Variants in CHM observed in about 807,000 individuals in gnomAD.
CHM encodes CHM Rab escort protein.
Under a neutral mutation model 49.0 loss-of-function variants are expected in CHM, and 10 were observed. The observed-to-expected ratio is 0.20, with a 90% CI of 0.13 to 0.35. CHM has a LOEUF of 0.35. Among genes scored for constraint, CHM ranks in the 10% least tolerant of loss-of-function variants. The pLI is 1.00. For missense variants in CHM, 455 were observed against 478.4 expected, an observed-to-expected ratio of 0.95 and a Z score of 0.46; for synonymous variants, 184 against 167.5, an observed-to-expected ratio of 1.10 and a Z score of -0.76.
At chrX:86,019,613 G>C (rs915836420) in intron 2 of CHM, 1 of 111,978 alleles carries the variant, frequency 8.9e-6, no homozygotes, top group African/African-American at 3.2e-5. Flanking sequence ...CCAGAGGCTG[G>C]TCCAAGTGCA....
At chrX:86,035,085 C>T (rs897923608) in intron 1 of CHM, among the ~76,000 whole-genome samples, 1 of 111,677 alleles carries the variant, frequency 9.0e-6, no homozygotes, top group African/African-American at 3.3e-5. Context: ...GGTAACAGAG[C>T]CAGCAGATTT....
At chrX:85,934,620 T>G (rs945920528) in intron 8 of CHM, among the ~76,000 whole-genome samples, 52 of 110,223 alleles carry the variant, frequency 4.7e-4, no homozygotes, top group African/African-American at 1.6e-3. Flanking sequence ...GAACTCATCC[T>G]TTTTTATGGC....
At chrX:85,942,299 A>C (rs28453726) in intron 8 of CHM, among the ~76,000 whole-genome samples, 24,762 of 99,642 alleles carry the variant, frequency 0.25, 2,936 homozygotes, top group African/African-American at 0.34. Flanking sequence ...CAAGTCTTTA[A>C]ATCCCAGAAG....
chrX:86,041,726 G>GTATATATATATATATA (rs3078104), intron 1 of CHM, among the ~76,000 whole-genome samples: 1 of 83,735 alleles, frequency 1.2e-5, no homozygotes, highest in African/African-American at 4.3e-5. Context: ...TGGTGTGTGT[G>GTATATATATATATATA]TATATATATA....
chrX:85,947,418 G>C (rs1929475466), intron 8 of CHM, among the ~76,000 whole-genome samples: 1 of 111,285 alleles, frequency 9.0e-6, no homozygotes, highest in African/African-American at 3.3e-5. Context: ...GTTAAAAAGT[G>C]TGTGGCACCT....
intron 2 of CHM, among the ~76,000 whole-genome samples, chrX:86,013,642 G>A (rs1933169868): frequency 9.2e-6 from 1 of 108,775 alleles, no homozygotes; most frequent in East Asian, 2.9e-4. Context: ...GGCTGAGGCA[G>A]GAGAACTGCC....
At position 85,897,297 on chromosome X, in the gene CHM, TTG is replaced by T. The variant is rs202204347; in HGVS notation, c.1414-3015_1414-3014del. Among the ~76,000 whole-genome samples the T allele has an allele frequency of 2.1e-3, 198 of 92,654 alleles. 2 individuals carry two copies. The East Asian group carries it at 0.022, about 10-fold the overall frequency. 80.5% of individuals were successfully genotyped at this position (92,654 alleles called of 115,157 possible). A position where few individuals can be genotyped will look rare whatever the true frequency, so the allele number is the denominator to read the frequency against. On this transcript the variant is annotated intron_variant, in intron 11 of 14. Transcript: ENST00000357749. ...CTAGCATATATGAAATAGAAAATGC[TTG>T]TGTGTGCGTGTGTGTGTGTGTGTGT...
At chrX:85,918,367 C>T (rs975168463) in intron 8 of CHM, among the ~76,000 whole-genome samples, 6 of 111,599 alleles carry the variant, frequency 5.4e-5, no homozygotes, top group Non-Finnish European at 9.4e-5. Flanking sequence ...TAAGGGAATT[C>T]GTTACCACCA....
intron 4 of CHM, among the ~76,000 whole-genome samples, chrX:85,968,438 TCTTTG>T (rs1223071020): frequency 1.8e-5 from 2 of 111,928 alleles, no homozygotes; most frequent in Non-Finnish European, 3.8e-5. Flanking sequence ...ACCCTTTTTC[TCTTTG>T]CTTTAAGAGC....
Position 86,027,488 on chromosome X carries a change from T to C in CHM, c.116+3A>G. ...TATTAAATGCTATCGTTGATAAACT[T>C]ACGAATCAACATGCAGAACTCTCCG... On this transcript the variant is annotated splice_donor_region_variant and intron_variant, in intron 2 of 14. Coordinates refer to ENST00000357749, the MANE Select transcript of CHM (RefSeq NM_000390.4). 1 of 1,199,339 alleles carries C rather than the reference T, an allele frequency of 8.3e-7. No homozygotes were observed. Among genetic ancestry groups the C allele is most frequent in the Middle Eastern group, 2.3e-4 (1 of 4,323 alleles).
At chrX:86,042,495 G>T (rs948311493) in intron 1 of CHM, among the ~76,000 whole-genome samples, 4 of 110,049 alleles carry the variant, frequency 3.6e-5, no homozygotes, top group African/African-American at 1.3e-4. Flanking sequence ...GGCAAGGCAA[G>T]CAAGTGTGGG....
At chrX:85,900,212 A>C (rs1328815572) in intron 11 of CHM, among the ~76,000 whole-genome samples, 1 of 111,823 alleles carries the variant, frequency 8.9e-6, no homozygotes, top group Non-Finnish European at 1.9e-5. Context: ...TACCATTTGC[A>C]ACAACATAGA....
At chrX:86,027,963 A>G (rs774874345) in intron 1 of CHM, among the ~76,000 whole-genome samples, 296 of 111,655 alleles carry the variant, frequency 2.7e-3, no homozygotes, top group African/African-American at 9.4e-3. Context: ...GGGTTTCACC[A>G]TGTTGGCCAG....
At chrX:85,943,409 AG>A (rs1457274981) in intron 8 of CHM, among the ~76,000 whole-genome samples, 1 of 112,070 alleles carries the variant, frequency 8.9e-6, no homozygotes, top group Non-Finnish European at 1.9e-5. Flanking sequence ...TTCAAGTTAT[AG>A]GGGTAAGGAG....
At chrX:85,906,030 T>C (rs960831043) in intron 9 of CHM, among the ~76,000 whole-genome samples, 1 of 111,975 alleles carries the variant, frequency 8.9e-6, no homozygotes, top group Non-Finnish European at 1.9e-5. Context: ...ACAAAGACCC[T>C]GATTGTCTTA....
chrX:85,984,114 A>G (rs1367204779), intron 2 of CHM, among the ~76,000 whole-genome samples: 3 of 110,505 alleles, frequency 2.7e-5, no homozygotes, highest in African/African-American at 9.9e-5. Flanking sequence ...AGGTAGAAGA[A>G]TTGCTTGAAC....
intron 12 of CHM, among the ~76,000 whole-genome samples, chrX:85,882,747 C>T (rs190624024): frequency 3.0e-4 from 34 of 111,808 alleles, no homozygotes; most frequent in African/African-American, 1.1e-3. Context: ...GAATGCTGAT[C>T]GCTCTTACGA....
At chrX:86,021,126 GTATATA>G (rs3078128) in intron 2 of CHM, among the ~76,000 whole-genome samples, 1,470 of 55,953 alleles carry the variant, frequency 0.026, 59 homozygotes, top group African/African-American at 0.1. Context: ...GTGTATATAC[GTATATA>G]TATATATATA....
chrX:85,992,139 T>G (rs1278229325), intron 2 of CHM, among the ~76,000 whole-genome samples: 1 of 111,741 alleles, frequency 8.9e-6, no homozygotes, highest in Non-Finnish European at 1.9e-5. Context: ...AATCCTGGAA[T>G]CTGACATACT....
Sources: gnomAD v4.1 joint callset for allele counts (sites outside exome capture counted in the v4.1 genomes callset) on GRCh38, gnomAD v4.1.1 for gene constraint, MANE v1.5 for transcripts, NCBI Gene and HGNC (gene_info 2026-07-23, HGNC 2026-07-21) for gene names.